HADH: variants seen among roughly 807,000 people sequenced by gnomAD.
HADH encodes hydroxyacyl-coenzyme A dehydrogenase, mitochondrial.
Under a neutral mutation model 32.2 loss-of-function variants are expected in HADH, and 24 were observed. That is an observed-to-expected ratio of 0.75 (90% CI 0.54 to 1.05). HADH has a LOEUF of 1.05. Among genes scored for constraint, HADH ranks in the 50% least tolerant of loss-of-function variants. HADH has a pLI of 0.00. For synonymous variants in HADH, 139 were observed against 152.5 expected (o/e 0.91, Z 0.65); for missense variants, 350 against 397.1 (o/e 0.88, Z 1.01).
At chr4:107,993,561 G>A (rs999876136) in intron 1 of HADH, among the ~76,000 whole-genome samples, 3 of 152,154 alleles carry the variant, frequency 2.0e-5, no homozygotes, top group African/African-American at 7.2e-5. Context: ...TCAGAAGGAT[G>A]AAAAAATATT....
rs367902441 is a variant in HADH at position 108,027,712 on chromosome 4, C to T, written c.661C>T (p.Arg221Cys). 31 of 1,609,762 alleles carry T rather than the reference C, an allele frequency of 1.9e-5. No homozygotes were observed. The East Asian group carries it at 4.2e-4, about 22-fold the overall frequency. Residue 221 changes from arginine to cysteine, a missense_variant, in exon 6 of 8, where the codon CGC (arginine) becomes TGC (cysteine). Arg to Cys is a radical substitution (Grantham distance 180, BLOSUM62 -3). Transcript: ENST00000309522. ...CKDTPGFIVN[R>C]LLVPYLMEAI... ...GGACACTCCTGGGTTTATTGTGAAC[C>T]GCCTCCTGGTTCCATACCTCATGGA...
intron 2 of HADH, 30 bp downstream of exon 2, chr4:108,009,917 C>G (rs1280558347): frequency 6.7e-7 from 1 of 1,496,216 alleles, no homozygotes; most frequent in Admixed American, 1.7e-5. Context: ...GTCTTCAAGA[C>G]AAGTCCTCTG....
chr4:108,032,836 G>C (rs974311652), intron 6 of HADH: 11 of 361,434 alleles, frequency 3.0e-5, no homozygotes, highest in Middle Eastern at 9.1e-4. Context: ...ATAAATATTA[G>C]CCTTGTGTGG....
chr4:107,998,425 G>A (rs926401141), intron 1 of HADH, among the ~76,000 whole-genome samples: 4 of 152,136 alleles, frequency 2.6e-5, no homozygotes, highest in African/African-American at 7.2e-5. Context: ...CATTGCAGGC[G>A]TGCACCACCA....
chr4:108,021,571 A>G (rs1735886485), intron 4 of HADH, among the ~76,000 whole-genome samples: 1 of 152,206 alleles, frequency 6.6e-6, no homozygotes, highest in Non-Finnish European at 1.5e-5. Context: ...AACTAGGAGC[A>G]GCGTATCTGT....
chr4:107,994,932 G>A (rs977780033), intron 1 of HADH, among the ~76,000 whole-genome samples: 1 of 152,150 alleles, frequency 6.6e-6, no homozygotes, highest in East Asian at 1.9e-4. Context: ...GATATGTTTG[G>A]ACATTTTTTA....
At chr4:108,007,684 C>G (rs971307149) in intron 1 of HADH, among the ~76,000 whole-genome samples, 10 of 152,206 alleles carry the variant, frequency 6.6e-5, no homozygotes, top group African/African-American at 2.2e-4. Flanking sequence ...CCCATTTAGA[C>G]TAACGCACCA....
intron 6 of HADH, chr4:108,029,658 C>T (rs947223643): frequency 6.6e-6 from 1 of 152,376 alleles, no homozygotes; most frequent in African/African-American, 2.4e-5. Flanking sequence ...TGCAGGCTCT[C>T]TGGAAGGATG....
intron 6 of HADH, chr4:108,028,716 C>T (rs1029305671): frequency 5.1e-6 from 2 of 395,856 alleles, no homozygotes; most frequent in Non-Finnish European, 8.9e-6. Flanking sequence ...AAGCACAGAG[C>T]ATTTTACCCT....
chr4:108,022,620 T>G (rs538216884), intron 4 of HADH, among the ~76,000 whole-genome samples: 1 of 152,308 alleles, frequency 6.6e-6, no homozygotes, highest in African/African-American at 2.4e-5. Flanking sequence ...TTACTCACTT[T>G]CCTGGGGCTC....
At chr4:108,030,640 T>C (rs1197863246) in intron 6 of HADH, 1 of 152,278 alleles carries the variant, frequency 6.6e-6, no homozygotes, top group Non-Finnish European at 1.5e-5. Context: ...CTGTCTTGTC[T>C]GGAGTTAGGG....
intron 5 of HADH, chr4:108,025,251 G>A (rs1297514794): frequency 1.3e-5 from 2 of 152,186 alleles, no homozygotes; most frequent in Non-Finnish European, 1.5e-5. Flanking sequence ...GCATTAATGT[G>A]CCTGGAATGT....
intron 3 of HADH, among the ~76,000 whole-genome samples, chr4:108,018,527 C>T (rs951369568): frequency 3.3e-5 from 5 of 152,106 alleles, no homozygotes; most frequent in African/African-American, 7.2e-5. Context: ...GAAGGCTCTC[C>T]GCTGCCTACC....
chr4:108,031,126 G>A lies in HADH; in HGVS notation c.710-2050G>A, dbSNP rs186740327. 24 of 152,330 alleles carry A rather than the reference G, an allele frequency of 1.6e-4. No individual in the cohort carries two copies. The East Asian group carries it at 2.3e-3, about 15-fold the overall frequency. 9.4% of individuals were successfully genotyped at this position (152,330 alleles called of 1,614,324 possible). A position where few individuals can be genotyped will look rare whatever the true frequency, so the allele number is the denominator to read the frequency against. ...TGCTGTCAGATTTCTGTCCCAGGGA[G>A]ACTGCCAGTAACAAATGAACCAGTA... is the stretch of plus-strand genomic sequence containing the variant. On this transcript the variant is annotated intron_variant, in intron 6 of 7. Coordinates refer to ENST00000309522, the MANE Select transcript of HADH (RefSeq NM_005327.7).
chr4:107,990,859 C>G (rs558154017), intron 1 of HADH, among the ~76,000 whole-genome samples: 1 of 150,590 alleles, frequency 6.6e-6, no homozygotes, highest in East Asian at 2.0e-4. Context: ...AAGCGATTCT[C>G]CTGCCTCAGC....
chr4:108,022,681 A>T (rs1447625293), intron 4 of HADH, among the ~76,000 whole-genome samples: 1 of 152,200 alleles, frequency 6.6e-6, no homozygotes, highest in Admixed American at 6.5e-5. Context: ...CTTTAAGGGC[A>T]ACCATCATAT....
At chr4:108,021,540 T>C (rs377741861) in intron 4 of HADH, among the ~76,000 whole-genome samples, 1 of 152,016 alleles carries the variant, frequency 6.6e-6, no homozygotes, top group Non-Finnish European at 1.5e-5. Flanking sequence ...TATATATGTA[T>C]TTTTTTTCAG....
At chr4:108,016,283 G>A (rs186497512) in intron 3 of HADH, among the ~76,000 whole-genome samples, 123 of 152,266 alleles carry the variant, frequency 8.1e-4, no homozygotes, top group African/African-American at 2.6e-3. Flanking sequence ...GGGCACTTCC[G>A]GTGGGCAGTG....
At chr4:107,995,400 A>G (rs76916282) in intron 1 of HADH, among the ~76,000 whole-genome samples, 4,023 of 152,310 alleles carry the variant, frequency 0.026, 113 homozygotes, top group Non-Finnish European at 0.037. Context: ...ACTGTCTGAT[A>G]AATATTAGCT....
Sources: gnomAD v4.1 joint callset for allele counts (sites outside exome capture counted in the v4.1 genomes callset) on GRCh38, gnomAD v4.1.1 for gene constraint, MANE v1.5 for transcripts, NCBI Gene and HGNC (gene_info 2026-07-23, HGNC 2026-07-21) for gene names.